The following CTNNA3 variants were observed in gnomAD, a reference collection of about 807,000 sequenced individuals.
CTNNA3 encodes catenin alpha-3.
A neutral mutation model predicts 95.7 loss-of-function variants in CTNNA3; 76 were observed. The observed-to-expected ratio is 0.79, with a 90% CI of 0.66 to 0.96. The LOEUF (loss-of-function observed/expected upper bound fraction) is 0.96. Ranked by LOEUF, CTNNA3 falls within the 40% of genes least tolerant of loss-of-function variation. CTNNA3 has a pLI of 0.00. For missense variants in CTNNA3, 1,191 were observed against 1,089.8 expected, an observed-to-expected ratio of 1.09 and a Z score of -1.31; for synonymous variants, 431 against 374.4, an observed-to-expected ratio of 1.15 and a Z score of -1.74.
intron 5 of CTNNA3, among the ~76,000 whole-genome samples, chr10:67,456,979 C>T (rs1647562517): frequency 6.6e-6 from 1 of 152,078 alleles, no homozygotes. Flanking sequence ...CAGACTCCAC[C>T]TCATGTTTTC....
intron 13 of CTNNA3, among the ~76,000 whole-genome samples, chr10:66,194,562 G>C (rs2086850820): frequency 6.6e-6 from 1 of 152,144 alleles, no homozygotes; most frequent in Admixed American, 6.5e-5. Flanking sequence ...CCTGGTGACA[G>C]AGAGAGAGAC....
chr10:67,611,584 G>C (rs571093019), intron 2 of CTNNA3, among the ~76,000 whole-genome samples: 49 of 152,318 alleles, frequency 3.2e-4, no homozygotes, highest in African/African-American at 1.2e-3. Context: ...CCAAAGTGCT[G>C]GGATTACAGG....
At chr10:66,375,727 C>T (rs1207096196) in intron 12 of CTNNA3, among the ~76,000 whole-genome samples, 2 of 152,118 alleles carry the variant, frequency 1.3e-5, no homozygotes, top group Non-Finnish European at 2.9e-5. Context: ...TGAAATACAT[C>T]TTAAAACTCT....
intron 6 of CTNNA3, among the ~76,000 whole-genome samples, chr10:67,180,886 C>A (rs555033218): frequency 6.6e-6 from 1 of 152,284 alleles, no homozygotes; most frequent in Non-Finnish European, 1.5e-5. Flanking sequence ...AATACACTGA[C>A]TGGAGCATAT....
chr10:65,936,760 T>C (rs1003023291), intron 17 of CTNNA3, among the ~76,000 whole-genome samples: 1 of 152,066 alleles, frequency 6.6e-6, no homozygotes. Context: ...CCATGGATGA[T>C]TTATTTAACT....
In CTNNA3 at chr10:65,912,862, C is replaced by T. The variant is rs1182782589; in HGVS notation, c.*7468G>A. On this transcript the variant is annotated 3_prime_UTR_variant, in exon 18 of 18. Coordinates refer to ENST00000433211, the MANE Select transcript of CTNNA3 (RefSeq NM_013266.4). ...AAAATACTTTAAGGATAAATATGGA[C>T]CAGAAAGGCCTACAGTATTTTTGCC... 1.3e-5 allele frequency: 2 copies of T among 152,028 alleles called. No individual in the cohort carries two copies. The highest frequency in any genetic ancestry group is 2.9e-5 in the Non-Finnish European group (2 of 67,994). The allele number at this position is 152,028 out of a possible 1,614,324, so 9.4% of individuals were successfully genotyped here.
intron 13 of CTNNA3, among the ~76,000 whole-genome samples, chr10:66,183,797 T>C (rs957824864): frequency 2.6e-5 from 4 of 152,330 alleles, no homozygotes; most frequent in Middle Eastern, 3.4e-3. Flanking sequence ...ACCAATTATA[T>C]ACCAATTATC....
intron 14 of CTNNA3, among the ~76,000 whole-genome samples, chr10:66,100,448 G>A (rs140353421): frequency 6.6e-6 from 1 of 152,300 alleles, no homozygotes; most frequent in Admixed American, 6.5e-5. Flanking sequence ...TAAGAGCAGA[G>A]AGTAGCCAGG....
chr10:67,650,640 C>T (rs190801375), intron 1 of CTNNA3, among the ~76,000 whole-genome samples: 18 of 152,184 alleles, frequency 1.2e-4, no homozygotes, highest in Non-Finnish European at 2.1e-4. Context: ...GTTTAACACA[C>T]ATTTCATTTC....
At chr10:67,011,506 GTTAAAC>G (rs1852336633) in intron 7 of CTNNA3, among the ~76,000 whole-genome samples, 1 of 152,162 alleles carries the variant, frequency 6.6e-6, no homozygotes, top group African/African-American at 2.4e-5. Flanking sequence ...TCTTTCTGGA[GTTAAAC>G]TTAAAACTTT....
chr10:65,994,890 T>A (rs1481490421), intron 15 of CTNNA3, among the ~76,000 whole-genome samples: 3 of 152,124 alleles, frequency 2.0e-5, no homozygotes, highest in African/African-American at 7.2e-5. Context: ...ATTTAAAAAA[T>A]CCTTTATTCC....
At chr10:67,568,232 GT>G (rs61503691) in intron 3 of CTNNA3, among the ~76,000 whole-genome samples, 1,629 of 145,346 alleles carry the variant, frequency 0.011, 19 homozygotes, top group Admixed American at 0.026. Flanking sequence ...GCTACAGACT[GT>G]TTTTTTTTTT....
intron 7 of CTNNA3, among the ~76,000 whole-genome samples, chr10:66,931,788 AAT>A (rs1388429037): frequency 6.6e-6 from 1 of 152,196 alleles, no homozygotes; most frequent in Non-Finnish European, 1.5e-5. Context: ...GAAGGCTAGA[AAT>A]AAGTGTCCAA....
chr10:67,566,072 T>TATAC lies in CTNNA3; in HGVS notation c.293-26404_293-26403insGTAT, dbSNP rs1265158791. Among the ~76,000 whole-genome samples, 26 of 102,150 alleles carry TATAC rather than the reference T, an allele frequency of 2.5e-4. 2 individuals carry two copies. The highest frequency in any genetic ancestry group is 7.3e-4 in the African/African-American group (20 of 27,264). 67.0% of individuals were successfully genotyped at this position (102,150 alleles called of 152,430 possible). A position where few individuals can be genotyped will look rare whatever the true frequency, so the allele number is the denominator to read the frequency against. Reference sequence around the variant, plus strand: ...ATATATATATATATATATATATATATACAAAACCTAGGCATTACCATTCAG... The same window carrying TATAC: ...ATATATATATATATATATATATATATATACACAAAACCTAGGCATTACCATTCAG... On this transcript the variant is annotated intron_variant, in intron 3 of 17. Transcript: ENST00000433211.
intron 10 of CTNNA3, among the ~76,000 whole-genome samples, chr10:66,604,150 C>A (rs1472843719): frequency 9.9e-5 from 15 of 152,050 alleles, no homozygotes. Context: ...CGACAACCTA[C>A]AGAATGGCAG....
At chr10:66,538,573 A>G (rs934664557) in intron 10 of CTNNA3, among the ~76,000 whole-genome samples, 1 of 152,168 alleles carries the variant, frequency 6.6e-6, no homozygotes, top group African/African-American at 2.4e-5. Context: ...GAGTGCTTCC[A>G]GAGCAGATAG....
Position 66,503,021 on chromosome 10 carries a change from T to C in CTNNA3, c.1531+17596A>G, listed in dbSNP as rs577682626. ...ATTCTTCAGTTATTTTGGTTAACTA[T>C]ATAGTCTATTATTGGGACAGGTTGA... is the stretch of plus-strand genomic sequence containing the variant. On this transcript the variant is annotated intron_variant, in intron 11 of 17. Transcript: ENST00000433211. Among the ~76,000 whole-genome samples the C allele has an allele frequency of 4.6e-5, 7 of 152,294 alleles. No homozygotes were observed. In the South Asian group the frequency reaches 1.5e-3, roughly 32 times the overall value.
At chr10:67,748,557 G>A (rs1031818223) in intron 1 of CTNNA3, among the ~76,000 whole-genome samples, 2 of 152,116 alleles carry the variant, frequency 1.3e-5, no homozygotes, top group African/African-American at 4.8e-5. Flanking sequence ...AAACGTTGAG[G>A]GAATTTGTCA....
chr10:67,081,820 C>A (rs1023250496), intron 7 of CTNNA3, among the ~76,000 whole-genome samples: 1 of 152,176 alleles, frequency 6.6e-6, no homozygotes, highest in Non-Finnish European at 1.5e-5. Flanking sequence ...TGAGGTCTTT[C>A]CTGATCCTAG....
Sources: allele counts gnomAD v4.1 joint callset (sites outside exome capture counted in the v4.1 genomes callset), GRCh38; gene constraint gnomAD v4.1.1; transcripts MANE v1.5; gene names NCBI Gene and HGNC (gene_info 2026-07-23, HGNC 2026-07-21).